SPTLC2: variants seen among roughly 807,000 people sequenced by gnomAD.
The protein encoded by SPTLC2 is serine palmitoyltransferase 2.
Under a neutral mutation model 62.0 loss-of-function variants are expected in SPTLC2, and 21 were observed. That is an observed-to-expected ratio of 0.34 (90% CI 0.24 to 0.49). The LOEUF (loss-of-function observed/expected upper bound fraction) is 0.49, where lower values mean the gene tolerates loss of function less well. Among genes scored for constraint, SPTLC2 ranks in the 20% least tolerant of loss-of-function variants. The pLI is 0.99. For missense variants in SPTLC2, 511 were observed against 713.0 expected (o/e 0.72, Z 3.23); for synonymous variants, 261 against 261.8 (o/e 1.00, Z 0.03).
intron 5 of SPTLC2, among the ~76,000 whole-genome samples, chr14:77,564,158 CTGAGGCAG>C (rs1274069090): frequency 6.8e-6 from 1 of 146,900 alleles, no homozygotes; most frequent in African/African-American, 2.5e-5. Flanking sequence ...ACACAAAAGG[CTGAGGCAG>C]TGAGGCAGTG....
intron 10 of SPTLC2, among the ~76,000 whole-genome samples, chr14:77,518,577 A>ACAGAG (rs2139993280): frequency 7.2e-6 from 1 of 138,460 alleles, no homozygotes; most frequent in East Asian, 2.2e-4. Context: ...AGCCTGAGCA[A>ACAGAG]CAGAGCAAGG....
chr14:77,615,818 ACCTGGAG>A (rs1480821579), intron 1 of SPTLC2, among the ~76,000 whole-genome samples: 15 of 152,174 alleles, frequency 9.9e-5, no homozygotes, highest in African/African-American at 3.1e-4. Context: ...ACCTAATCCA[ACCTGGAG>A]CCTGGGGTAG....
In SPTLC2 at chr14:77,508,923, G is replaced by T. The variant is rs1333265392; in HGVS notation, c.*3361C>A. 1 of 152,052 alleles carries T rather than the reference G, an allele frequency of 6.6e-6. No individual in the cohort carries two copies. Among genetic ancestry groups the T allele is most frequent in the Non-Finnish European group, 1.5e-5 (1 of 68,012 alleles). The allele number at this position is 152,052 out of a possible 1,614,324, so 9.4% of individuals were successfully genotyped here. A position where few individuals can be genotyped will look rare whatever the true frequency, so the allele number is the denominator to read the frequency against. On this transcript the variant is annotated 3_prime_UTR_variant, in exon 12 of 12. Transcript: ENST00000216484. ...CTAGAGTTGGAATTTTAAAAATCAA[G>T]AACTTGAAGGTACAGAAAGAAAGAA...
chr14:77,521,194 ATGTT>A (rs1475660828), intron 10 of SPTLC2, among the ~76,000 whole-genome samples: 1 of 152,206 alleles, frequency 6.6e-6, no homozygotes, highest in African/African-American at 2.4e-5. Context: ...AAGGACAGAG[ATGTT>A]TGTATTTTAT....
chr14:77,559,293 A>C (rs1314363572), intron 6 of SPTLC2, among the ~76,000 whole-genome samples: 1 of 152,222 alleles, frequency 6.6e-6, no homozygotes, highest in African/African-American at 2.4e-5. Flanking sequence ...ACTGCCCTCC[A>C]GCCTGGGTGA....
chr14:77,564,674 C>T (rs2079635017), intron 5 of SPTLC2, among the ~76,000 whole-genome samples: 1 of 151,698 alleles, frequency 6.6e-6, no homozygotes, highest in Admixed American at 6.6e-5. Flanking sequence ...AGCATTTTAT[C>T]ATGCCAGAAA....
chr14:77,601,907 G>A (rs188360372), intron 1 of SPTLC2, among the ~76,000 whole-genome samples: 336 of 152,284 alleles, frequency 2.2e-3, no homozygotes, highest in Non-Finnish European at 3.1e-3. Context: ...TCACGGACTC[G>A]GGAAGGCAGC....
intron 2 of SPTLC2, among the ~76,000 whole-genome samples, chr14:77,584,862 G>A (rs1369554831): frequency 1.3e-5 from 2 of 152,180 alleles, no homozygotes; most frequent in African/African-American, 2.4e-5. Context: ...CCTTGTGATC[G>A]GGTTGCGGAT....
intron 2 of SPTLC2, among the ~76,000 whole-genome samples, chr14:77,583,341 T>C (rs1012477934): frequency 6.6e-6 from 1 of 152,078 alleles, no homozygotes; most frequent in Non-Finnish European, 1.5e-5. Flanking sequence ...GCAGTTCCAG[T>C]TCTAGGCAAT....
intron 9 of SPTLC2, among the ~76,000 whole-genome samples, chr14:77,531,891 T>A (rs1387481449): frequency 6.6e-6 from 1 of 152,174 alleles, no homozygotes; most frequent in African/African-American, 2.4e-5. Context: ...TCTGTACACT[T>A]CATTGTATGA....
chr14:77,577,053 A>T, intron 3 of SPTLC2, 138 bp from the exon 4 acceptor site: 1 of 875,922 alleles, frequency 1.1e-6, no homozygotes. Flanking sequence ...ACTACCAATT[A>T]TGGAAATAGA....
chr14:77,581,013 T>G (rs1214174121), intron 2 of SPTLC2, among the ~76,000 whole-genome samples: 1 of 152,240 alleles, frequency 6.6e-6, no homozygotes, highest in Non-Finnish European at 1.5e-5. Context: ...TGGTGTGGTA[T>G]GACCACTACT....
At chr14:77,565,332 A>AGTTTAAT (rs1203844545) in intron 5 of SPTLC2, among the ~76,000 whole-genome samples, 1 of 151,892 alleles carries the variant, frequency 6.6e-6, no homozygotes, top group Non-Finnish European at 1.5e-5. Context: ...AGTGGGTGAA[A>AGTTTAAT]GTTTAATCCA....
intron 1 of SPTLC2, among the ~76,000 whole-genome samples, chr14:77,606,034 C>A (rs1173193725): frequency 1.3e-5 from 2 of 152,216 alleles, no homozygotes; most frequent in Non-Finnish European, 2.9e-5. Flanking sequence ...GTCTAGAAAT[C>A]GTCAAAAACT....
chr14:77,597,143 A>G (rs1566791213), intron 2 of SPTLC2, 43 bp downstream of exon 2: 3 of 1,592,416 alleles, frequency 1.9e-6, no homozygotes, highest in Non-Finnish European at 2.6e-6. Flanking sequence ...AGATTTCCAT[A>G]AAAGGCTTCT....
rs769807904 is a variant in SPTLC2, at chr14:77,597,333, A to C, written c.180T>G (p.Asn60Lys). 18 of 1,614,234 alleles carry C rather than the reference A, an allele frequency of 1.1e-5. No homozygotes were observed. The highest frequency in any genetic ancestry group is 1.5e-5 in the Non-Finnish European group (18 of 1,180,040). Residue 60 changes from asparagine (N) to lysine (K), a missense_variant, in exon 2 of 12, where the codon AAT (asparagine) becomes AAG (lysine). By Grantham distance (94) the Asn-to-Lys change is moderately conservative. Coordinates refer to ENST00000216484, the MANE Select transcript of SPTLC2 (RefSeq NM_004863.4). ...GCATTGGTGTTTCTTCAAAAGCTTC[A>C]TTAAACGGTCTTTTATATAGTCCTC... ...QNGGLYKRPF[N>K]EAFEETPMLV...
At position 77,534,184 on chromosome 14, in the gene SPTLC2, A is replaced by T. The variant is rs1014020832; in HGVS notation, c.1304-12603T>A. 4.0e-3 allele frequency among the ~76,000 whole-genome samples: 284 copies of T among 70,288 alleles called. 2 individuals carry two copies. The highest frequency in any genetic ancestry group is 0.038 in the South Asian group (46 of 1,222). 46.1% of individuals were successfully genotyped at this position (70,288 alleles called of 152,430 possible). A position where few individuals can be genotyped will look rare whatever the true frequency, so the allele number is the denominator to read the frequency against. On this transcript the variant is annotated intron_variant, in intron 9 of 11. Coordinates refer to ENST00000216484, the MANE Select transcript of SPTLC2 (RefSeq NM_004863.4). ...CTCTCTTTCTCTCTCTCTCTCACAC[A>T]CACACACACACACACACACACACAC...
intron 9 of SPTLC2, among the ~76,000 whole-genome samples, chr14:77,535,013 C>T (rs573976628): frequency 1.3e-3 from 205 of 152,232 alleles, no homozygotes; most frequent in African/African-American, 4.8e-3. Context: ...TGCAACCCTC[C>T]GCCTCCCGGG....
chr14:77,591,834 G>A (rs768333094), intron 2 of SPTLC2, among the ~76,000 whole-genome samples: 2 of 151,716 alleles, frequency 1.3e-5, no homozygotes, highest in Non-Finnish European at 2.9e-5. Context: ...AGTGATTCTC[G>A]TGCCTCAGCC....
Sources: gnomAD v4.1 joint callset for allele counts (sites outside exome capture counted in the v4.1 genomes callset) on GRCh38, gnomAD v4.1.1 for gene constraint, MANE v1.5 for transcripts, NCBI Gene and HGNC (gene_info 2026-07-23, HGNC 2026-07-21) for gene names.